Variants in HSD17B12 observed in about 807,000 individuals in gnomAD.
HSD17B12 encodes very-long-chain 3-oxoacyl-CoA reductase.
In HSD17B12, 32 loss-of-function variants were observed where a neutral mutation model predicts 39.3. The ratio of observed to expected loss-of-function variants is 0.81; its 90% CI spans 0.61 to 1.09. The LOEUF is 1.09. Among genes scored for constraint, HSD17B12 ranks in the 50% least tolerant of loss-of-function variants. The pLI, the probability that HSD17B12 is intolerant of heterozygous loss-of-function variation, is 0.00. For synonymous variants in HSD17B12, 150 were observed against 146.7 expected (o/e 1.02, Z -0.16); for missense variants, 342 against 382.9 (o/e 0.89, Z 0.89).
chr11:43,689,065 C>T (rs1949829034), intron 1 of HSD17B12, among the ~76,000 whole-genome samples: 4 of 152,196 alleles, frequency 2.6e-5, no homozygotes, highest in African/African-American at 9.7e-5. Context: ...TAGGAGATGA[C>T]TAGTGCTACT....
At chr11:43,617,238 G>A in the HSD17B12 span, among the ~76,000 whole-genome samples, 178 of 152,212 alleles carry the variant, frequency 1.2e-3, no homozygotes, top group Non-Finnish European at 2.3e-3. Context: ...TCAGTGCCTC[G>A]CTTCTTAGTC....
the HSD17B12 span, among the ~76,000 whole-genome samples, chr11:43,616,618 T>TA: frequency 3.3e-5 from 5 of 151,716 alleles, no homozygotes; most frequent in African/African-American, 1.2e-4. Context: ...ATCTTCATTT[T>TA]ACAGATTATA....
chr11:43,575,485 A>C, the HSD17B12 span, among the ~76,000 whole-genome samples: 2 of 152,230 alleles, frequency 1.3e-5, no homozygotes, highest in Non-Finnish European at 2.9e-5. This position sits in a 1 kb window ranked among gnomAD's most constrained non-coding sequence, Gnocchi z 4.1. Flanking sequence ...CCGAGTTTGC[A>C]TTGGGCGTCT....
the HSD17B12 span, among the ~76,000 whole-genome samples, chr11:43,586,852 C>T: frequency 1.3e-5 from 2 of 152,178 alleles, no homozygotes; most frequent in Non-Finnish European, 2.9e-5. Flanking sequence ...ATTCTGGTGG[C>T]CTTTTTCACA....
the HSD17B12 span, among the ~76,000 whole-genome samples, chr11:43,646,950 G>A: frequency 6.6e-6 from 1 of 152,184 alleles, no homozygotes; most frequent in Non-Finnish European, 1.5e-5. Context: ...GGATAGATAC[G>A]TCAAAAGGTG....
At chr11:43,725,218 A>G (rs565628768) in intron 1 of HSD17B12, among the ~76,000 whole-genome samples, 1 of 152,330 alleles carries the variant, frequency 6.6e-6, no homozygotes, top group South Asian at 2.1e-4. Context: ...TAGTTTTGTT[A>G]CCTTGAGCAA....
intron 1 of HSD17B12, chr11:43,718,962 T>G: frequency 9.5e-7 from 1 of 1,048,832 alleles, no homozygotes; most frequent in South Asian, 1.3e-5. Flanking sequence ...AACAACACAC[T>G]TGTGTTCATT....
intron 1 of HSD17B12, among the ~76,000 whole-genome samples, chr11:43,736,560 T>C (rs912734576): frequency 6.6e-6 from 1 of 152,234 alleles, no homozygotes; most frequent in African/African-American, 2.4e-5. Flanking sequence ...TGAAGAAAGA[T>C]GTGTGCTTCC....
intron 2 of HSD17B12, 54 bp from the exon 3 acceptor site, chr11:43,753,992 A>T: frequency 8.5e-7 from 1 of 1,170,914 alleles, no homozygotes; most frequent in Non-Finnish European, 1.3e-6. Flanking sequence ...ATAGCTCATT[A>T]ATGTTTTTCA....
At chr11:43,585,504 T>A in the HSD17B12 span, among the ~76,000 whole-genome samples, 5 of 152,230 alleles carry the variant, frequency 3.3e-5, no homozygotes, top group Non-Finnish European at 5.9e-5. Flanking sequence ...GATCTTCAGA[T>A]CTTTATACAA....
At chr11:43,818,714 T>G (rs1413655779) in intron 6 of HSD17B12, among the ~76,000 whole-genome samples, 2 of 152,146 alleles carry the variant, frequency 1.3e-5, no homozygotes, top group Non-Finnish European at 2.9e-5. Context: ...GACCTGTGAG[T>G]GAGTCTGGAG....
At chr11:43,646,916 T>G in the HSD17B12 span, among the ~76,000 whole-genome samples, 1 of 152,188 alleles carries the variant, frequency 6.6e-6, no homozygotes, top group African/African-American at 2.4e-5. Context: ...TGGAACATGA[T>G]TCATAAGGTT....
chr11:43,828,433 G>A (rs994649033), intron 6 of HSD17B12, among the ~76,000 whole-genome samples: 16 of 152,056 alleles, frequency 1.1e-4, no homozygotes, highest in African/African-American at 2.7e-4. Context: ...GAGCCACCGC[G>A]CCCGGCCACT....
At chr11:43,742,135 A>ATTT (rs1397611592) in intron 1 of HSD17B12, among the ~76,000 whole-genome samples, 2 of 67,558 alleles carry the variant, frequency 3.0e-5, no homozygotes, top group African/African-American at 1.5e-4. Context: ...ATATATATAT[A>ATTT]TATATTTTTT....
intron 3 of HSD17B12, among the ~76,000 whole-genome samples, chr11:43,790,482 A>G (rs901430934): frequency 1.6e-4 from 24 of 152,168 alleles, no homozygotes; most frequent in African/African-American, 5.3e-4. Context: ...ATGCCACAAG[A>G]TCCCCAGTGA....
the HSD17B12 span, among the ~76,000 whole-genome samples, chr11:43,573,894 G>A: frequency 6.6e-6 from 1 of 151,972 alleles, no homozygotes; most frequent in Non-Finnish European, 1.5e-5. Context: ...AAACACTGCC[G>A]GCGTCTCCTG....
chr11:43,721,833 T>A (rs946672637), intron 1 of HSD17B12, among the ~76,000 whole-genome samples: 4 of 152,140 alleles, frequency 2.6e-5, no homozygotes, highest in Non-Finnish European at 4.4e-5. Flanking sequence ...TTGAAGGAAT[T>A]GAACAGGGCT....
At chr11:43,568,552 T>C in the HSD17B12 span, among the ~76,000 whole-genome samples, 3 of 152,206 alleles carry the variant, frequency 2.0e-5, no homozygotes, top group East Asian at 5.8e-4. Flanking sequence ...ATGACAGAAG[T>C]GAGGCCTTTT....
At chr11:43,775,817 T>A (rs558338697) in intron 3 of HSD17B12, among the ~76,000 whole-genome samples, 2,237 of 146,352 alleles carry the variant, frequency 0.015, 71 homozygotes, top group African/African-American at 0.051. Flanking sequence ...GTCCATGTGT[T>A]CTCATTGTTC....
Sources: allele counts gnomAD v4.1 joint callset (sites outside exome capture counted in the v4.1 genomes callset), GRCh38; gene constraint gnomAD v4.1.1; non-coding constraint Gnocchi (gnomAD v3.1); transcripts MANE v1.5; gene names NCBI Gene and HGNC (gene_info 2026-07-23, HGNC 2026-07-21).